Variants in SORBS2 observed in about 807,000 individuals in gnomAD.
SORBS2 encodes sorbin and SH3 domain containing 2, also known as sorbin and SH3 domain-containing protein 2.
Under a neutral mutation model 97.7 loss-of-function variants are expected in SORBS2, and 46 were observed. That is an observed-to-expected ratio of 0.47 (90% confidence interval 0.37 to 0.60). The LOEUF (loss-of-function observed/expected upper bound fraction) is 0.60. Among genes scored for constraint, SORBS2 ranks in the 20% least tolerant of loss-of-function variants. The pLI is 0.00. For missense variants in SORBS2, 1,316 were observed against 1,282.3 expected (o/e 1.03, Z -0.40); for synonymous variants, 476 against 473.4 (o/e 1.01, Z -0.07).
At chr4:185,748,467 G>T (rs2098778006) in intron 2 of SORBS2, among the ~76,000 whole-genome samples, 1 of 152,192 alleles carries the variant, frequency 6.6e-6, no homozygotes, top group Admixed American at 6.5e-5. Context: ...GAGCTGGGAA[G>T]TAGGGCTCTG....
chr4:185,733,666 G>A (rs970849499), intron 2 of SORBS2, among the ~76,000 whole-genome samples: 3 of 152,178 alleles, frequency 2.0e-5, no homozygotes, highest in South Asian at 2.1e-4. Context: ...GAAGGAAGGC[G>A]CTTTAGGACA....
intron 1 of SORBS2, among the ~76,000 whole-genome samples, chr4:185,656,097 C>T (rs900621481): frequency 2.0e-5 from 3 of 152,180 alleles, no homozygotes; most frequent in Admixed American, 6.5e-5. Context: ...AACATCATCA[C>T]CAGAAACATG....
intron 4 of SORBS2, 56 bp downstream of exon 16, chr4:185,635,299 C>T: frequency 8.0e-7 from 1 of 1,257,214 alleles, no homozygotes; most frequent in African/African-American, 1.5e-5. Context: ...TGTGCAGAAT[C>T]ACAGTCACAG....
intron 1 of SORBS2, among the ~76,000 whole-genome samples, chr4:185,924,950 G>A (rs549296695): frequency 6.6e-6 from 1 of 152,196 alleles, no homozygotes; most frequent in South Asian, 2.1e-4. Flanking sequence ...CCAGTCATCC[G>A]AGTCGTATCA....
intron 2 of SORBS2, among the ~76,000 whole-genome samples, chr4:185,759,495 C>T (rs184741841): frequency 1.3e-4 from 20 of 152,138 alleles, no homozygotes; most frequent in East Asian, 9.7e-4. Context: ...GCATATTTAA[C>T]GGGTAGGGAG....
At chr4:185,711,396 A>T (rs771915315) in intron 2 of SORBS2, among the ~76,000 whole-genome samples, 5 of 152,084 alleles carry the variant, frequency 3.3e-5, no homozygotes, top group Non-Finnish European at 7.4e-5. Context: ...TTTCATACAG[A>T]TATTTATTTT....
intron 1 of SORBS2, among the ~76,000 whole-genome samples, chr4:185,798,150 T>C (rs1031026240): frequency 3.3e-5 from 5 of 152,140 alleles, no homozygotes; most frequent in African/African-American, 1.2e-4. Context: ...CCTGCTCACA[T>C]TTGTTTAGCA....
intron 1 of SORBS2, among the ~76,000 whole-genome samples, chr4:185,955,516 G>A (rs1417743005): frequency 6.6e-6 from 1 of 152,182 alleles, no homozygotes; most frequent in Non-Finnish European, 1.5e-5. Flanking sequence ...GCAATCTCAT[G>A]CCTCACCTAA....
At chr4:185,894,692 TC>T (rs770940388) in intron 1 of SORBS2, among the ~76,000 whole-genome samples, 2 of 152,164 alleles carry the variant, frequency 1.3e-5, no homozygotes, top group Admixed American at 6.5e-5. Flanking sequence ...GCCAATCAGC[TC>T]CATTGCGCTG....
chr4:185,908,212 GT>G (rs964976601), intron 1 of SORBS2, among the ~76,000 whole-genome samples: 2 of 136,854 alleles, frequency 1.5e-5, no homozygotes, highest in African/African-American at 6.1e-5. Context: ...AAGAAAACCT[GT>G]TTTTTATTTC....
upstream of SORBS2, chr4:185,657,353 G>A: frequency 7.2e-7 from 1 of 1,386,534 alleles, no homozygotes; most frequent in South Asian, 1.7e-5. Flanking sequence ...AATGCACAAA[G>A]CCGTGGACAA....
At chr4:185,879,167 C>G (rs1179771779) in intron 1 of SORBS2, among the ~76,000 whole-genome samples, 1 of 73,638 alleles carries the variant, frequency 1.4e-5, no homozygotes, top group East Asian at 3.1e-4. Flanking sequence ...GCTATCCCTC[C>G]CCCCCCCCCA....
upstream of SORBS2, among the ~76,000 whole-genome samples, chr4:185,659,646 C>T (rs542760886): frequency 6.6e-6 from 1 of 152,122 alleles, no homozygotes; most frequent in African/African-American, 2.4e-5. Context: ...TGGCCTCGAT[C>T]TCCTGACCTC....
chr4:185,950,113 A>G (rs935728214), intron 1 of SORBS2, among the ~76,000 whole-genome samples: 3 of 152,164 alleles, frequency 2.0e-5, no homozygotes, highest in Non-Finnish European at 2.9e-5. Flanking sequence ...TTAGCTGGGC[A>G]TGGTGACAGG....
chr4:185,827,474 T>C (rs796325455), intron 1 of SORBS2, among the ~76,000 whole-genome samples: 8 of 10 alleles, frequency 0.8, 3 homozygotes, highest in Non-Finnish European at 1. Flanking sequence ...ATCATCATCA[T>C]CATCATCATC....
In SORBS2 at chr4:185,796,486, G is replaced by A. The variant is rs545645254; in HGVS notation, c.-337-21120C>T. Reference sequence around the variant, plus strand: ...TGTGGCCACGCTGCTCCCTGGTCACGGTGAGGCTGGGCATGCCTGGGCGCT... The same window carrying A: ...TGTGGCCACGCTGCTCCCTGGTCACAGTGAGGCTGGGCATGCCTGGGCGCT... On this transcript the variant is annotated intron_variant, in intron 1 of 20. Coordinates refer to the SORBS2 transcript ENST00000284776. Among the ~76,000 whole-genome samples the A allele has an allele frequency of 6.5e-4, 94 of 143,742 alleles. 1 individual carries two copies. Among genetic ancestry groups the A allele is most frequent in the South Asian group, 1.1e-3 (5 of 4,446 alleles). The allele number at this position is 143,742 out of a possible 152,430, so 94.3% of individuals were successfully genotyped here. A position where few individuals can be genotyped will look rare whatever the true frequency, so the allele number is the denominator to read the frequency against.
chr4:185,896,606 A>T (rs1351290610), intron 1 of SORBS2, among the ~76,000 whole-genome samples: 1 of 152,182 alleles, frequency 6.6e-6, no homozygotes, highest in Non-Finnish European at 1.5e-5. Context: ...ATAAACAAAC[A>T]GCTAGTAACT....
intron 1 of SORBS2, among the ~76,000 whole-genome samples, chr4:185,908,569 C>T (rs1358016949): frequency 6.6e-6 from 1 of 151,620 alleles, no homozygotes; most frequent in East Asian, 1.9e-4. Flanking sequence ...GTCGAGTAAA[C>T]TCAGAGAAGC....
At chr4:185,627,085 C>A in intron 5 of SORBS2, 66 bp from the exon 18 acceptor site, 1 of 1,427,862 alleles carries the variant, frequency 7.0e-7, no homozygotes, top group Non-Finnish European at 9.8e-7. Flanking sequence ...CCAGAAAAAC[C>A]GGTGGAACGT....
Sources: gnomAD v4.1 joint callset for allele counts (sites outside exome capture counted in the v4.1 genomes callset) on GRCh38, gnomAD v4.1.1 for gene constraint, MANE v1.5 for transcripts, NCBI Gene and HGNC (gene_info 2026-07-23, HGNC 2026-07-21) for gene names.